The following SKP1 variants were observed in gnomAD, a reference collection of about 807,000 sequenced individuals.
SKP1 encodes S-phase kinase-associated protein 1.
In SKP1, 1 loss-of-function variant was observed where a neutral mutation model predicts 21.5. That is an observed-to-expected ratio of 0.05 (90% CI 0.02 to 0.22). The LOEUF is 0.22. Ranked by LOEUF, SKP1 falls within the 10% of genes least tolerant of loss-of-function variation. The pLI is 1.00. For missense variants in SKP1, 70 were observed against 192.0 expected, an observed-to-expected ratio of 0.36 and a Z score of 3.76; for synonymous variants, 59 against 59.3, an observed-to-expected ratio of 0.99 and a Z score of 0.03.
chr5:134,173,868 T>G lies in SKP1; in HGVS notation c.97+58A>C, dbSNP rs941443750. The G allele has an allele frequency of 1.2e-5, 11 of 948,228 alleles. No homozygotes were observed. In the African/African-American group the frequency reaches 1.3e-4, roughly 11 times the overall value. 58.7% of individuals were successfully genotyped at this position (948,228 alleles called of 1,614,324 possible). A position where few individuals can be genotyped will look rare whatever the true frequency, so the allele number is the denominator to read the frequency against. ...GGCTGCTGCTCATATAAATTTGATATTCACAAACTATCTCAAATTACACAT... is the reference window on the plus strand; with the variant it reads ...GGCTGCTGCTCATATAAATTTGATAGTCACAAACTATCTCAAATTACACAT... On this transcript the variant is annotated intron_variant, in intron 2 of 5. Transcript: ENST00000353411.
At chr5:134,173,480 C>T in intron 2 of SKP1, 1 of 327,540 alleles carries the variant, frequency 3.1e-6, no homozygotes, top group Non-Finnish European at 6.0e-6. Context: ...AAGAGTGAGA[C>T]TCTGTCTCAA....
chr5:134,167,928 A>G (rs1405382076), intron 2 of SKP1, among the ~76,000 whole-genome samples: 1 of 152,236 alleles, frequency 6.6e-6, no homozygotes, highest in Non-Finnish European at 1.5e-5. Context: ...TTTGGTATCC[A>G]CAGGGGTGTC....
In SKP1 at chr5:134,155,212, AAG is replaced by A. The variant is rs1761103395; in HGVS notation, c.*2519_*2520del. Reference sequence around the variant, plus strand: ...TAGTTTAGAAGAATAGTTGGGAAGTAAGAGAGTAGCCAGAAATGAGTGGAGTT... The same window carrying A: ...TAGTTTAGAAGAATAGTTGGGAAGTAAGAGTAGCCAGAAATGAGTGGAGTT... On this transcript the variant is annotated 3_prime_UTR_variant, in exon 6 of 6. Coordinates refer to ENST00000353411, the MANE Select transcript of SKP1 (RefSeq NM_170679.3). The A allele has an allele frequency of 6.6e-6, 1 of 152,218 alleles. No individual in the cohort carries two copies. The highest frequency in any genetic ancestry group is 1.5e-5 in the Non-Finnish European group (1 of 68,034). The allele number at this position is 152,218 out of a possible 1,614,324, so 9.4% of individuals were successfully genotyped here.
intron 3 of SKP1, 98 bp from the exon 4 acceptor site, chr5:134,161,228 T>TAGAG: frequency 9.2e-7 from 1 of 1,092,022 alleles, no homozygotes; most frequent in Non-Finnish European, 1.3e-6. Context: ...AATAACTAGC[T>TAGAG]AGAGGTTGAC....
chr5:134,165,671 G>T (rs1761315895), intron 3 of SKP1, among the ~76,000 whole-genome samples: 1 of 151,624 alleles, frequency 6.6e-6, no homozygotes, highest in Non-Finnish European at 1.5e-5. Flanking sequence ...CAGATCACAA[G>T]GTCAGGAATT....
At chr5:134,172,605 G>A (rs2149377289) in intron 2 of SKP1, among the ~76,000 whole-genome samples, 1 of 152,144 alleles carries the variant, frequency 6.6e-6, no homozygotes, top group African/African-American at 2.4e-5. Context: ...CTGGCAGAGT[G>A]GCTCATGCCT....
Position 134,161,113 on chromosome 5 carries a change from G to A in SKP1, c.189C>T (p.Thr63=). The A allele has an allele frequency of 1.2e-6, 2 of 1,610,682 alleles. No individual in the cohort carries two copies. The highest frequency in any genetic ancestry group is 2.2e-5 in the South Asian group (2 of 90,566). The change falls in exon 4 of 6, where the codon ACC becomes ACT. Residue 63 remains threonine, a synonymous_variant. Coordinates refer to ENST00000353411, the MANE Select transcript of SKP1 (RefSeq NM_170679.3). The part of the protein sequence containing the change: ...AILKKVIQWC[T]HHKDDPPPPE... The stretch of plus-strand genomic sequence containing the variant: ...GAGGAGGAGGGTCATCCTTGTGGTG[G>A]GTGCACCACTGAATGACCTACAACA...
In SKP1 at chr5:134,150,592, A is replaced by G. The variant is rs1761029562; in HGVS notation, c.*7141T>C. ...GTTGGCTTTTCTTTGAGGTTCTTTG[A>G]GAGTCCTTAACTGCGACTCTCAGAT... On this transcript the variant is annotated 3_prime_UTR_variant, in exon 6 of 6. Coordinates refer to ENST00000353411, the MANE Select transcript of SKP1 (RefSeq NM_170679.3). 6.6e-6 allele frequency: 1 copy of G among 152,178 alleles called. No individual in the cohort carries two copies. The highest frequency in any genetic ancestry group is 2.4e-5 in the African/African-American group (1 of 41,444). 9.4% of individuals were successfully genotyped at this position (152,178 alleles called of 1,614,324 possible).
chr5:134,170,596 A>C (rs893657385), intron 2 of SKP1, among the ~76,000 whole-genome samples: 1 of 152,264 alleles, frequency 6.6e-6, no homozygotes, highest in Non-Finnish European at 1.5e-5. Flanking sequence ...AAAAAAGCAG[A>C]AAGTTGCCAA....
chr5:134,158,314 G>T, intron 5 of SKP1, 141 bp downstream of exon 5: 1 of 1,544,458 alleles, frequency 6.5e-7, no homozygotes, highest in Non-Finnish European at 8.7e-7. Context: ...AACAGTAAGA[G>T]TATGTTTAAG....
In SKP1 at chr5:134,155,789, T is replaced by C. The variant is rs1428658304; in HGVS notation, c.*1944A>G. The C allele has an allele frequency of 6.6e-6, 1 of 152,194 alleles. No homozygotes were observed. Among genetic ancestry groups the C allele is most frequent in the Middle Eastern group, 3.2e-3 (1 of 316 alleles). The allele number at this position is 152,194 out of a possible 1,614,324, so 9.4% of individuals were successfully genotyped here. A position where few individuals can be genotyped will look rare whatever the true frequency, so the allele number is the denominator to read the frequency against. The stretch of plus-strand genomic sequence containing the variant: ...GAAGATTTGTTTGTCATAATACTGC[T>C]AAGGATACTTCTGGTTTGTTTTTGA... On this transcript the variant is annotated 3_prime_UTR_variant, in exon 6 of 6. Coordinates refer to ENST00000353411, the MANE Select transcript of SKP1 (RefSeq NM_170679.3).
In SKP1 at chr5:134,157,826, T is replaced by C. The variant is rs1420445503; in HGVS notation, c.457-58A>G. 9 of 1,612,688 alleles carry C rather than the reference T, an allele frequency of 5.6e-6. No individual in the cohort carries two copies. The East Asian group carries it at 1.8e-4, about 32-fold the overall frequency. On this transcript the variant is annotated intron_variant, in intron 5 of 5. Transcript: ENST00000353411. ...CTTGAGTAGTCTTTCCTAAGACTTA[T>C]AAATACTACCTACTGATTCATCGAT... is the stretch of plus-strand genomic sequence containing the variant.
intron 4 of SKP1, among the ~76,000 whole-genome samples, chr5:134,159,842 C>A (rs929994815): frequency 3.3e-5 from 5 of 151,794 alleles, no homozygotes; most frequent in Non-Finnish European, 5.9e-5. Context: ...CCACCGCGCC[C>A]GGCCTAATTT....
rs1223755451 is a variant in SKP1, at chr5:134,151,742, T to C, written c.*5991A>G. The C allele has an allele frequency of 8.8e-6, 4 of 455,266 alleles. No individual in the cohort carries two copies. The highest frequency in any genetic ancestry group is 2.4e-5 in the Admixed American group (1 of 42,502). The allele number at this position is 455,266 out of a possible 1,614,324, so 28.2% of individuals were successfully genotyped here. A position where few individuals can be genotyped will look rare whatever the true frequency, so the allele number is the denominator to read the frequency against. ...GTTATGAGCAACTACATTCCTCCCATAGAATGCTGCTCAATACTGGCACAC... is the reference window on the plus strand; with the variant it reads ...GTTATGAGCAACTACATTCCTCCCACAGAATGCTGCTCAATACTGGCACAC... On this transcript the variant is annotated 3_prime_UTR_variant, in exon 6 of 6. Coordinates refer to ENST00000353411, the MANE Select transcript of SKP1 (RefSeq NM_170679.3).
chr5:134,167,159 A>G lies in SKP1; in HGVS notation c.171+11T>C. ...TAAGCAGAATAAACTTAAACTCTTT[A>G]AAGACCTTACCTTTTTTAATATTGC... On this transcript the variant is annotated intron_variant, in intron 3 of 5. Coordinates refer to ENST00000353411, the MANE Select transcript of SKP1 (RefSeq NM_170679.3). The G allele has an allele frequency of 6.7e-7, 1 of 1,496,926 alleles. No homozygotes were observed. The highest frequency in any genetic ancestry group is 9.3e-7 in the Non-Finnish European group (1 of 1,074,538). 92.7% of individuals were successfully genotyped at this position (1,496,926 alleles called of 1,614,324 possible). A position where few individuals can be genotyped will look rare whatever the true frequency, so the allele number is the denominator to read the frequency against.
intron 2 of SKP1, chr5:134,173,247 G>A (rs1481517733): frequency 1.9e-5 from 3 of 154,376 alleles, no homozygotes; most frequent in African/African-American, 4.8e-5. Flanking sequence ...CAGGAGAATC[G>A]CTTGAACCAG....
intron 3 of SKP1, among the ~76,000 whole-genome samples, chr5:134,162,058 CAAAA>C (rs1163666504): frequency 7.8e-6 from 1 of 128,544 alleles, no homozygotes. Flanking sequence ...TGCCAGGATC[CAAAA>C]AAAAAAAAAG....
At chr5:134,159,879 C>T (rs1289458433) in intron 4 of SKP1, among the ~76,000 whole-genome samples, 2 of 149,924 alleles carry the variant, frequency 1.3e-5, no homozygotes, top group Non-Finnish European at 3.0e-5. Flanking sequence ...GATGGGGTTT[C>T]ATCATGCTGG....
chr5:134,160,363 T>A (rs960351919), intron 4 of SKP1, among the ~76,000 whole-genome samples: 18 of 150,704 alleles, frequency 1.2e-4, no homozygotes, highest in Non-Finnish European at 1.5e-4. Context: ...GTCTCAAAAA[T>A]ATATATATAT....
Sources: allele counts gnomAD v4.1 joint callset (sites outside exome capture counted in the v4.1 genomes callset), GRCh38; gene constraint gnomAD v4.1.1; transcripts MANE v1.5; gene names NCBI Gene and HGNC (gene_info 2026-07-23, HGNC 2026-07-21).